Variants in HGD observed in about 807,000 individuals in gnomAD.
The protein encoded by HGD is homogentisate 1,2-dioxygenase, also known as homogentisate oxidase.
A neutral mutation model predicts 60.8 loss-of-function variants in HGD; 61 were observed. That is an observed-to-expected ratio of 1.00 (90% confidence interval 0.82 to 1.24). The LOEUF is 1.24. HGD is among the 50% of genes most tolerant of loss of function. The pLI, the probability that HGD is intolerant of heterozygous loss-of-function variation, is 0.00. For missense variants in HGD, 542 were observed against 547.1 expected (o/e 0.99, Z 0.09); for synonymous variants, 212 against 187.7 (o/e 1.13, Z -1.06).
chr3:120,668,342 T>C (rs977644134), intron 4 of HGD, among the ~76,000 whole-genome samples: 2 of 152,150 alleles, frequency 1.3e-5, no homozygotes, highest in Non-Finnish European at 2.9e-5. Flanking sequence ...GAGATTTCCA[T>C]AATTAAGACA....
intron 12 of HGD, among the ~76,000 whole-genome samples, chr3:120,637,428 ATTAT>A (rs1445256987): frequency 7.2e-5 from 11 of 152,170 alleles, no homozygotes; most frequent in Admixed American, 7.2e-4. Flanking sequence ...TTGGACAATA[ATTAT>A]TAGGTGCTAA....
chr3:120,659,742 C>T (rs1220221860), intron 4 of HGD, among the ~76,000 whole-genome samples: 2 of 152,066 alleles, frequency 1.3e-5, no homozygotes, highest in Non-Finnish European at 2.9e-5. Flanking sequence ...TTTGTTAGTT[C>T]GTTCTTGCAC....
At chr3:120,650,431 G>A (rs1454982231) in intron 6 of HGD, among the ~76,000 whole-genome samples, 3 of 152,164 alleles carry the variant, frequency 2.0e-5, no homozygotes, top group Non-Finnish European at 2.9e-5. Context: ...AAAAATCCTT[G>A]AAATATCAAA....
rs111281418 is a variant in HGD at position 120,679,021 on chromosome 3, G to A, written c.15+3076C>T. On this transcript the variant is annotated intron_variant, in intron 1 of 13. Transcript: ENST00000283871. Reference sequence around the variant, plus strand: ...TGTGTTTGTATGTTTTCTACAGTTCGGATTTCTGAATAATTTGATCCGACA... The same window carrying A: ...TGTGTTTGTATGTTTTCTACAGTTCAGATTTCTGAATAATTTGATCCGACA... Among the ~76,000 whole-genome samples, 117 of 152,266 alleles carry A rather than the reference G, an allele frequency of 7.7e-4. 2 individuals are homozygous for A. The highest frequency in any genetic ancestry group is 2.6e-3 in the African/African-American group (109 of 41,550).
chr3:120,655,975 T>G (rs1941484576), intron 4 of HGD, among the ~76,000 whole-genome samples: 1 of 152,252 alleles, frequency 6.6e-6, no homozygotes, highest in Non-Finnish European at 1.5e-5. Context: ...AATTGTGTCC[T>G]CTTCCAAATT....
intron 4 of HGD, among the ~76,000 whole-genome samples, chr3:120,669,243 T>G (rs1219177339): frequency 6.6e-6 from 1 of 151,396 alleles, no homozygotes; most frequent in Non-Finnish European, 1.5e-5. Context: ...TTTTCTATAT[T>G]TTGTGGTAAG....
At chr3:120,636,948 G>C (rs146898570) in intron 12 of HGD, among the ~76,000 whole-genome samples, 2,280 of 152,190 alleles carry the variant, frequency 0.015, 63 homozygotes, top group African/African-American at 0.051. Flanking sequence ...GTTCCAGGTG[G>C]AATGCCTCTT....
intron 7 of HGD, among the ~76,000 whole-genome samples, chr3:120,647,675 CA>C (rs137975469): frequency 0.021 from 3,231 of 152,244 alleles, 50 homozygotes; most frequent in Middle Eastern, 0.041. Flanking sequence ...GACAGAGAGA[CA>C]AGGAAATAGA....
At chr3:120,681,812 G>T (rs374204283) in intron 1 of HGD, among the ~76,000 whole-genome samples, 25 of 152,330 alleles carry the variant, frequency 1.6e-4, no homozygotes, top group African/African-American at 6.0e-4. Context: ...GTGCATGTCC[G>T]TAGTGGAGGG....
intron 4 of HGD, among the ~76,000 whole-genome samples, chr3:120,656,564 G>T (rs1009425258): frequency 7.5e-5 from 3 of 40,228 alleles, no homozygotes; most frequent in East Asian, 2.7e-3. Flanking sequence ...TCTTTTTTTT[G>T]GGGGGGGGTT....
intron 10 of HGD, among the ~76,000 whole-genome samples, chr3:120,644,057 A>G (rs916551768): frequency 6.6e-6 from 1 of 152,182 alleles, no homozygotes; most frequent in African/African-American, 2.4e-5. Flanking sequence ...AAAGGGCACA[A>G]CCTTTGGAGT....
chr3:120,652,572 T>A lies in HGD; in HGVS notation c.342+20A>T, dbSNP rs746779993. On this transcript the variant is annotated intron_variant, in intron 5 of 13. Transcript: ENST00000283871. The stretch of plus-strand genomic sequence containing the variant: ...GAAGAGAGGAGAGCAGTAGGGAGGG[T>A]GTGGATGGGACTGACTTACACTCAC... The A allele has an allele frequency of 2.5e-6, 4 of 1,584,020 alleles. No individual in the cohort carries two copies. Among genetic ancestry groups the A allele is most frequent in the Non-Finnish European group, 3.5e-6 (4 of 1,152,676 alleles).
Position 120,661,772 on chromosome 3 carries a change from C to T in HGD, c.282+8655G>A, listed in dbSNP as rs568461380. Among the ~76,000 whole-genome samples, 4 of 152,290 alleles carry T rather than the reference C, an allele frequency of 2.6e-5. No individual in the cohort carries two copies. In the East Asian group the frequency reaches 7.7e-4, roughly 29 times the overall value. Reference sequence around the variant, plus strand: ...AAAGGGCTGAGCAGGGGAATGTGCACTGTAATGTTGGCACACACCACTGAA... The same window carrying T: ...AAAGGGCTGAGCAGGGGAATGTGCATTGTAATGTTGGCACACACCACTGAA... On this transcript the variant is annotated intron_variant, in intron 4 of 13. Transcript: ENST00000283871.
chr3:120,638,835 T>A (rs927631620), intron 11 of HGD, among the ~76,000 whole-genome samples: 12 of 152,162 alleles, frequency 7.9e-5, no homozygotes, highest in African/African-American at 2.9e-4. Context: ...TCCTGAATTG[T>A]AGCTTCCATA....
At chr3:120,645,266 T>C (rs1382039215) in intron 9 of HGD, among the ~76,000 whole-genome samples, 1 of 152,130 alleles carries the variant, frequency 6.6e-6, no homozygotes, top group African/African-American at 2.4e-5. Flanking sequence ...GTGAACAGGA[T>C]GACAGACGGC....
chr3:120,650,883 AAG>A lies in HGD; in HGVS notation c.343-20_343-19del, dbSNP rs774183886. The A allele has an allele frequency of 3.3e-5, 52 of 1,592,824 alleles. No homozygotes were observed. The highest frequency in any genetic ancestry group is 3.6e-5 in the Non-Finnish European group (42 of 1,160,736). ...TGCAGGCCCTGGGAGAGACCCACAGAAGAGGGAAAGGTTAATGTGAACGGTGC... is the reference window on the plus strand; with the variant it reads ...TGCAGGCCCTGGGAGAGACCCACAGAAGGGAAAGGTTAATGTGAACGGTGC... On this transcript the variant is annotated intron_variant, in intron 5 of 13. Transcript: ENST00000283871.
chr3:120,640,316 A>G (rs989981779), intron 11 of HGD, among the ~76,000 whole-genome samples: 5 of 152,126 alleles, frequency 3.3e-5, no homozygotes, highest in Admixed American at 6.5e-5. Flanking sequence ...CACTGAAAAC[A>G]CATCAAAGTG....
intron 12 of HGD, chr3:120,633,711 A>T: frequency 1.4e-6 from 1 of 714,730 alleles, no homozygotes; most frequent in South Asian, 1.5e-5. Flanking sequence ...TATCTCCCAG[A>T]TCATAACCCT....
chr3:120,668,613 T>C (rs1707954415), intron 4 of HGD, among the ~76,000 whole-genome samples: 1 of 151,926 alleles, frequency 6.6e-6, no homozygotes, highest in Non-Finnish European at 1.5e-5. Context: ...AGAAATAAAG[T>C]TACCTGAATA....
Sources: gnomAD v4.1 joint callset for allele counts (sites outside exome capture counted in the v4.1 genomes callset) on GRCh38, gnomAD v4.1.1 for gene constraint, MANE v1.5 for transcripts, NCBI Gene and HGNC (gene_info 2026-07-23, HGNC 2026-07-21) for gene names.